Variants in IL22 observed in about 807,000 individuals in gnomAD.
IL22 encodes interleukin 22.
A neutral mutation model predicts 15.5 loss-of-function variants in IL22; 15 were observed. The observed-to-expected ratio is 0.97, with a 90% CI of 0.65 to 1.49. The LOEUF (loss-of-function observed/expected upper bound fraction) is 1.49. IL22 is among the 40% of genes most tolerant of loss of function. The pLI, the probability that IL22 is intolerant of heterozygous loss-of-function variation, is 0.00. For missense variants in IL22, 225 were observed against 215.4 expected (o/e 1.04, Z -0.28); for synonymous variants, 91 against 82.0 (o/e 1.11, Z -0.60).
chr12:68,252,885 T>C, intron 2 of IL22, 56 bp from the exon 3 acceptor site: 2 of 1,398,456 alleles, frequency 1.4e-6, no homozygotes, highest in Non-Finnish European at 2.0e-6. Flanking sequence ...AAAAAAAATT[T>C]ATACATAGAC....
chr12:68,248,661 T>A lies in IL22; in HGVS notation c.*138A>T. On this transcript the variant is annotated 3_prime_UTR_variant, in exon 6 of 6. Coordinates refer to ENST00000538666, the MANE Select transcript of IL22 (RefSeq NM_020525.5). ...GTTTCCTTTGTAACTAACGCAGGGGTTCATTTGGAATCCACCCATCATGAT... is the reference window on the plus strand; with the variant it reads ...GTTTCCTTTGTAACTAACGCAGGGGATCATTTGGAATCCACCCATCATGAT... 1.5e-6 allele frequency: 1 copy of A among 669,186 alleles called. No homozygotes were observed. The highest frequency in any genetic ancestry group is 2.6e-6 in the Non-Finnish European group (1 of 381,476). 41.5% of individuals were successfully genotyped at this position (669,186 alleles called of 1,614,324 possible). A position where few individuals can be genotyped will look rare whatever the true frequency, so the allele number is the denominator to read the frequency against.
chr12:68,253,149 C>T (rs1370930342), intron 2 of IL22, 114 bp downstream of exon 2: 2 of 873,514 alleles, frequency 2.3e-6, no homozygotes, highest in Non-Finnish European at 3.4e-6. Context: ...TTTATCTACC[C>T]TCAGGGATAA....
intron 5 of IL22, among the ~76,000 whole-genome samples, chr12:68,250,514 G>T (rs1869890702): frequency 6.6e-6 from 1 of 152,230 alleles, no homozygotes; most frequent in Non-Finnish European, 1.5e-5. Flanking sequence ...GGTTAAGCTT[G>T]TTACTGAAAA....
In IL22 at chr12:68,251,543, A is replaced by T. The variant is rs746705713; in HGVS notation, c.432T>A (p.Asn144Lys). 1 of 1,612,948 alleles carries T rather than the reference A, an allele frequency of 6.2e-7. No individual in the cohort carries two copies. The highest frequency in any genetic ancestry group is 1.1e-5 in the South Asian group (1 of 91,026). Residue 144 changes from asparagine to lysine, a missense_variant, in exon 5 of 6, where the codon AAT becomes AAA. Transcript: ENST00000538666. Reference protein sequence around the residue: ...IEGDDLHIQRNVQKLKDTVKK... With the variant: ...IEGDDLHIQRKVQKLKDTVKK... ...TCACTGTGTCCTTCAGCTTTTGCAC[A>T]TTCCTCTGGATATGCAGGTCATCAC...
intron 5 of IL22, among the ~76,000 whole-genome samples, chr12:68,250,270 G>A (rs1325518395): frequency 1.3e-5 from 2 of 152,326 alleles, no homozygotes; most frequent in Admixed American, 6.5e-5. Context: ...AAGACAACAA[G>A]CAAGATGAAA....
intron 5 of IL22, among the ~76,000 whole-genome samples, chr12:68,250,136 A>G (rs1869877734): frequency 6.6e-6 from 1 of 152,220 alleles, no homozygotes; most frequent in Non-Finnish European, 1.5e-5. Flanking sequence ...GCAAAAAAGC[A>G]TAATCACTCT....
Position 68,248,891 on chromosome 12 carries a change from A to G in IL22, c.463-15T>C. 1 of 1,599,288 alleles carries G rather than the reference A, an allele frequency of 6.3e-7. No individual in the cohort carries two copies. The highest frequency in any genetic ancestry group is 1.7e-4 in the Middle Eastern group (1 of 6,026). On this transcript the variant is annotated splice_polypyrimidine_tract_variant and intron_variant, in intron 5 of 5. Transcript: ENST00000538666. ...CTCTCTCCAAGCTGTGAAAATAAGAATGCAAAAGTATTTGAGCATTTATGC... is the reference window on the plus strand; with the variant it reads ...CTCTCTCCAAGCTGTGAAAATAAGAGTGCAAAAGTATTTGAGCATTTATGC...
intron 4 of IL22, among the ~76,000 whole-genome samples, chr12:68,251,983 A>G (rs1279153589): frequency 8.5e-5 from 13 of 152,104 alleles, no homozygotes; most frequent in African/African-American, 2.9e-4. Context: ...TACTGGGCCC[A>G]CTCCACTCAA....
intron 5 of IL22, 139 bp from the exon 6 acceptor site, chr12:68,249,015 C>G (rs1565747039): frequency 5.9e-6 from 4 of 676,888 alleles, no homozygotes; most frequent in South Asian, 1.8e-5. Context: ...AGTAATATCC[C>G]TTTAGTATTG....
chr12:68,253,405 G>A lies in IL22; in HGVS notation c.44C>T (p.Thr15Ile), dbSNP rs761162880. The A allele has an allele frequency of 1.2e-5, 19 of 1,611,322 alleles. No individual in the cohort carries two copies. In the East Asian group the frequency reaches 3.8e-4, roughly 32 times the overall value. Residue 15 changes from threonine (T) to isoleucine (I), a missense_variant, in exon 2 of 6, where the codon ACC becomes ATC. By Grantham distance (89) the Thr-to-Ile change is moderately conservative (BLOSUM62 -1). Transcript: ENST00000538666. ...GAGAAGGAGGCAGCTGGTGGCCAGG[G>A]TCCCCATAAGGAAAGAGCTCACAGA... Reference protein sequence around the residue: ...QKSVSSFLMGTLATSCLLLLA... With the variant: ...QKSVSSFLMGILATSCLLLLA...
intron 4 of IL22, among the ~76,000 whole-genome samples, chr12:68,252,098 C>T (rs1188737755): frequency 6.6e-6 from 1 of 152,124 alleles, no homozygotes; most frequent in Non-Finnish European, 1.5e-5. Flanking sequence ...GACCCACCAC[C>T]GACTTTAAGC....
At chr12:68,249,921 A>G (rs535107459) in intron 5 of IL22, among the ~76,000 whole-genome samples, 2 of 152,286 alleles carry the variant, frequency 1.3e-5, no homozygotes, top group South Asian at 4.1e-4. Context: ...CAAAGACTCC[A>G]AGACTATAAA....
chr12:68,251,395 C>T (rs1869924633), intron 5 of IL22, 118 bp downstream of exon 5: 4 of 761,230 alleles, frequency 5.3e-6, no homozygotes, highest in Non-Finnish European at 7.1e-6. Context: ...AAAGTAATCG[C>T]CCTGGTGGTA....
intron 5 of IL22, among the ~76,000 whole-genome samples, chr12:68,249,127 G>T (rs955396563): frequency 1.3e-5 from 2 of 152,186 alleles, no homozygotes; most frequent in South Asian, 2.1e-4. Context: ...CTGTTTAAAA[G>T]CTGGGCAGAG....
In IL22 at chr12:68,248,726, C is replaced by A. The variant is rs138303944; in HGVS notation, c.*73G>T. 4.2e-4 allele frequency: 505 copies of A among 1,195,406 alleles called. 1 individual carries two copies. Among genetic ancestry groups the A allele is most frequent in the Middle Eastern group, 2.5e-3 (13 of 5,134 alleles). 74.0% of individuals were successfully genotyped at this position (1,195,406 alleles called of 1,614,324 possible). A position where few individuals can be genotyped will look rare whatever the true frequency, so the allele number is the denominator to read the frequency against. ...CATCTTCCTTTTGGTTAAAAAAAAT[C>A]GCTTTGGGGCATCTAATTGTTATTT... On this transcript the variant is annotated 3_prime_UTR_variant, in exon 6 of 6. Transcript: ENST00000538666.
At chr12:68,251,935 T>G (rs569358512) in intron 4 of IL22, among the ~76,000 whole-genome samples, 12 of 152,312 alleles carry the variant, frequency 7.9e-5, no homozygotes, top group Non-Finnish European at 1.6e-4. Context: ...ACATCTCATG[T>G]GAAAATTAAG....
At chr12:68,249,503 A>G (rs899019686) in intron 5 of IL22, among the ~76,000 whole-genome samples, 5 of 152,210 alleles carry the variant, frequency 3.3e-5, no homozygotes, top group African/African-American at 1.2e-4. Flanking sequence ...TACTCAAATG[A>G]CTTTGAACCA....
At position 68,252,649 on chromosome 12, in the gene IL22, T is replaced by A; in HGVS notation, c.253-2A>T. On this transcript the variant is annotated splice_acceptor_variant, in intron 3 of 5. Transcript: ENST00000538666. LOFTEE classifies it high-confidence loss of function. ...CATCAGATAGCAGCGCTCACTCATC[T>A]GCAGGTGGAAGGGAAACAGAAAGGG... 1 of 1,614,050 alleles carries A rather than the reference T, an allele frequency of 6.2e-7. No individual in the cohort carries two copies. The highest frequency in any genetic ancestry group is 8.5e-7 in the Non-Finnish European group (1 of 1,179,936).
chr12:68,252,714 C>T, intron 3 of IL22, 50 bp downstream of exon 3: 1 of 1,611,886 alleles, frequency 6.2e-7, no homozygotes, highest in Non-Finnish European at 8.5e-7. Context: ...ACCACCACCC[C>T]AAGTACCCAT....
Sources: gnomAD v4.1 joint callset for allele counts (sites outside exome capture counted in the v4.1 genomes callset) on GRCh38, gnomAD v4.1.1 for gene constraint, MANE v1.5 for transcripts, NCBI Gene and HGNC (gene_info 2026-07-23, HGNC 2026-07-21) for gene names.